SNX25: variants seen among roughly 807,000 people sequenced by gnomAD.
The protein encoded by SNX25 is sorting nexin-25.
SNX25 carries 62 observed loss-of-function variants against 113.7 expected under a neutral mutation model. The ratio of observed to expected loss-of-function variants is 0.55; its 90% confidence interval spans 0.44 to 0.67. SNX25 has a LOEUF of 0.67. SNX25 is among the 30% of genes least tolerant of loss of function. SNX25 has a pLI of 0.00. For synonymous variants in SNX25, 421 were observed against 436.2 expected (o/e 0.97, Z 0.43); for missense variants, 1,014 against 1,161.0 (o/e 0.87, Z 1.84).
chr4:185,233,856 GTTATTA>G (rs34578677), intron 1 of SNX25, among the ~76,000 whole-genome samples: 1 of 151,136 alleles, frequency 6.6e-6, no homozygotes, highest in East Asian at 2.0e-4. Context: ...CAACTTAAGT[GTTATTA>G]TTATTATTAT....
At chr4:185,229,837 A>G (rs1198744084) in intron 1 of SNX25, among the ~76,000 whole-genome samples, 1 of 152,068 alleles carries the variant, frequency 6.6e-6, no homozygotes, top group African/African-American at 2.4e-5. Flanking sequence ...ATATTTATTT[A>G]TTTATTTAGA....
the SNX25 span, chr4:185,376,928 C>A: frequency 2.5e-6 from 4 of 1,612,598 alleles, no homozygotes; most frequent in Non-Finnish European, 3.4e-6. Context: ...ATATAGTTGA[C>A]CTCGTAGGAA....
At chr4:185,344,024 G>A (rs1284883804) in intron 12 of SNX25, among the ~76,000 whole-genome samples, 1 of 152,140 alleles carries the variant, frequency 6.6e-6, no homozygotes, top group African/African-American at 2.4e-5. Flanking sequence ...TTCGAGACCA[G>A]CCAGGCCAAC....
At chr4:185,322,097 CAT>C (rs1467067720) in intron 8 of SNX25, among the ~76,000 whole-genome samples, 4 of 152,100 alleles carry the variant, frequency 2.6e-5, no homozygotes, top group East Asian at 1.9e-4. Context: ...TAACATGTGA[CAT>C]ATGTGATCAG....
At chr4:185,353,260 GA>G (rs2095324324) in intron 14 of SNX25, 3 of 429,284 alleles carry the variant, frequency 7.0e-6, no homozygotes, top group East Asian at 6.8e-5. Context: ...TACAGCGACA[GA>G]TTTTTTTTTA....
intron 1 of SNX25, among the ~76,000 whole-genome samples, chr4:185,236,344 G>C (rs765328127): frequency 6.6e-6 from 1 of 151,444 alleles, no homozygotes; most frequent in Non-Finnish European, 1.5e-5. Flanking sequence ...TCCAGCCTGG[G>C]CAACAGAGTG....
chr4:185,351,719 C>G, intron 14 of SNX25, 110 bp downstream of exon 14: 6 of 1,168,324 alleles, frequency 5.1e-6, no homozygotes, highest in Non-Finnish European at 7.1e-6. Context: ...TTAGCACTGT[C>G]ACATTTTGAG....
chr4:185,353,255 C>G, intron 14 of SNX25: 1 of 417,278 alleles, frequency 2.4e-6, no homozygotes, highest in Non-Finnish European at 4.3e-6. Flanking sequence ...TATAATACAG[C>G]GACAGATTTT....
chr4:185,242,654 C>T (rs191337720), intron 1 of SNX25, among the ~76,000 whole-genome samples: 115 of 152,240 alleles, frequency 7.6e-4, no homozygotes, highest in African/African-American at 2.6e-3. Flanking sequence ...TCAGCTGTCC[C>T]GAAGCTCACT....
chr4:185,225,282 C>T (rs7659919), intron 1 of SNX25, among the ~76,000 whole-genome samples: 99,230 of 151,848 alleles, frequency 0.65, 32,527 homozygotes, highest in East Asian at 0.76. Flanking sequence ...CTCGGGCTAA[C>T]GCCCAGCTAA....
At chr4:185,370,689 C>G (rs1188468616), downstream of SNX25, 1 of 1,613,894 alleles carries the variant, frequency 6.2e-7, no homozygotes, top group African/African-American at 1.3e-5. Context: ...GATGCCCAAG[C>G]CAAGCTGAAG....
At chr4:185,244,021 A>G (rs779702019) in intron 1 of SNX25, among the ~76,000 whole-genome samples, 90 of 152,142 alleles carry the variant, frequency 5.9e-4, no homozygotes, top group Non-Finnish European at 4.6e-4. Flanking sequence ...TTTTTGAGAC[A>G]GTGTCTTGCT....
chr4:185,257,122 A>G (rs1746564232), intron 2 of SNX25, among the ~76,000 whole-genome samples: 1 of 147,690 alleles, frequency 6.8e-6, no homozygotes, highest in Non-Finnish European at 1.5e-5. Context: ...AGGATAAATT[A>G]TTTATCTGAA....
chr4:185,268,943 T>A (rs1748523575), intron 5 of SNX25, among the ~76,000 whole-genome samples: 1 of 152,248 alleles, frequency 6.6e-6, no homozygotes. Context: ...ATTTTGGGTA[T>A]AATATATATC....
chr4:185,330,631 A>G (rs571505733), intron 9 of SNX25, among the ~76,000 whole-genome samples: 1 of 152,298 alleles, frequency 6.6e-6, no homozygotes, highest in Non-Finnish European at 1.5e-5. Flanking sequence ...ATTGTTTTAT[A>G]GTCATCTTAC....
intron 11 of SNX25, among the ~76,000 whole-genome samples, chr4:185,339,992 A>T (rs1395416759): frequency 6.6e-6 from 1 of 152,154 alleles, no homozygotes; most frequent in African/African-American, 2.4e-5. Flanking sequence ...TTTGTAGAAT[A>T]TACTGTATCC....
intron 2 of SNX25, among the ~76,000 whole-genome samples, chr4:185,251,595 TTGCG>T (rs1469164293): frequency 3.2e-5 from 4 of 125,110 alleles, no homozygotes; most frequent in African/African-American, 1.3e-4. Context: ...TGATATTCCA[TTGCG>T]TGTGTGTGTG....
At chr4:185,332,351 G>A (rs943194312) in intron 9 of SNX25, among the ~76,000 whole-genome samples, 1 of 152,138 alleles carries the variant, frequency 6.6e-6, no homozygotes, top group Non-Finnish European at 1.5e-5. Flanking sequence ...GGAAATAATG[G>A]CATGGGATTT....
intron 5 of SNX25, among the ~76,000 whole-genome samples, chr4:185,270,220 G>A (rs894525472): frequency 2.6e-5 from 4 of 152,134 alleles, no homozygotes; most frequent in African/African-American, 9.7e-5. Flanking sequence ...GGTGTACACT[G>A]CCCCAGGATG....
Sources: allele counts gnomAD v4.1 joint callset (sites outside exome capture counted in the v4.1 genomes callset), GRCh38; gene constraint gnomAD v4.1.1; transcripts MANE v1.5; gene names NCBI Gene and HGNC (gene_info 2026-07-23, HGNC 2026-07-21).